COA8: variants seen among roughly 807,000 people sequenced by gnomAD.
COA8 encodes UPF0671 protein C14orf153.
COA8 carries 20 observed loss-of-function variants against 22.0 expected under a neutral mutation model. The observed-to-expected ratio is 0.91, with a 90% confidence interval of 0.64 to 1.32. COA8 has a LOEUF of 1.32. Among genes scored for constraint, COA8 ranks in the 40% most tolerant of loss-of-function variants. COA8 has a pLI of 0.00. For missense variants in COA8, 266 were observed against 230.0 expected (o/e 1.16, Z -1.01); for synonymous variants, 105 against 79.9 (o/e 1.31, Z -1.68).
rs74088043 is a variant in COA8 at position 103,567,717 on chromosome 14, A to T, written c.124-3906A>T. Among the ~76,000 whole-genome samples the T allele has an allele frequency of 8.5e-3, 1,290 of 152,286 alleles. 22 individuals are homozygous for T. The highest frequency in any genetic ancestry group is 0.03 in the African/African-American group (1,247 of 41,548). The stretch of plus-strand genomic sequence containing the variant: ...TCATCTTTAGACAAATTGTCTAATC[A>T]TCTTTAGACAATACTGAGGTGCAGG... On this transcript the variant is annotated intron_variant, in intron 1 of 4. Coordinates refer to ENST00000409074, the MANE Select transcript of COA8 (RefSeq NM_001370595.2).
At position 103,588,026 on chromosome 14, in the gene COA8, G is replaced by A. The variant is rs1189090279; in HGVS notation, c.476+662G>A. ...AGCTGCTCCGGAGGCTCAGTCAGGAGAATCGCTTGAACGTGGAAGGTGGAG... is the reference window on the plus strand; with the variant it reads ...AGCTGCTCCGGAGGCTCAGTCAGGAAAATCGCTTGAACGTGGAAGGTGGAG... On this transcript the variant is annotated intron_variant, in intron 4 of 4. Coordinates refer to ENST00000409074, the MANE Select transcript of COA8 (RefSeq NM_001370595.2). 1.8e-5 allele frequency: 4 copies of A among 224,308 alleles called. No homozygotes were observed. The Admixed American group carries it at 2.0e-4, about 11-fold the overall frequency. The allele number at this position is 224,308 out of a possible 1,614,324, so 13.9% of individuals were successfully genotyped here.
intron 3 of COA8, among the ~76,000 whole-genome samples, chr14:103,583,666 A>G (rs1202652314): frequency 1.3e-5 from 2 of 151,952 alleles, no homozygotes; most frequent in East Asian, 1.9e-4. Context: ...ATTCAGTTCA[A>G]TTCTGACACT....
rs185122472 is a variant in COA8 at position 103,575,175 on chromosome 14, T to A, written c.385+1005T>A. 1.3e-4 allele frequency among the ~76,000 whole-genome samples: 20 copies of A among 152,376 alleles called. No individual in the cohort carries two copies. The East Asian group carries it at 2.3e-3, about 18-fold the overall frequency. On this transcript the variant is annotated intron_variant, in intron 3 of 4. Transcript: ENST00000409074. Reference sequence around the variant, plus strand: ...ACGTGCACGTGTGTACATGTGTGTGTGCTTGTGTGCACACCACATGTGCCG... The same window carrying A: ...ACGTGCACGTGTGTACATGTGTGTGAGCTTGTGTGCACACCACATGTGCCG...
In COA8 at chr14:103,567,483, T is replaced by C. The variant is rs2076144620; in HGVS notation, c.124-4140T>C. On this transcript the variant is annotated intron_variant, in intron 1 of 4. Coordinates refer to ENST00000409074, the MANE Select transcript of COA8 (RefSeq NM_001370595.2). ...ATTGATAATTGAAAACTTTTCCCAA[T>C]ACCCTGCCGTGATGACTTGCAATAT... is the stretch of plus-strand genomic sequence containing the variant. 2.0e-5 allele frequency: 3 copies of C among 151,662 alleles called. No individual in the cohort carries two copies. The South Asian group carries it at 6.3e-4, about 32-fold the overall frequency. 9.4% of individuals were successfully genotyped at this position (151,662 alleles called of 1,614,324 possible).
chr14:103,584,795 C>G (rs957328123), intron 3 of COA8, among the ~76,000 whole-genome samples: 2 of 152,038 alleles, frequency 1.3e-5, no homozygotes, highest in African/African-American at 4.8e-5. Flanking sequence ...ATTGGTTGTT[C>G]GTGTATCTTT....
chr14:103,569,644 G>A (rs1407249212), intron 1 of COA8, among the ~76,000 whole-genome samples: 2 of 152,222 alleles, frequency 1.3e-5, no homozygotes, highest in Non-Finnish European at 2.9e-5. Context: ...CTCGGAGGAG[G>A]GAAGGAGTCG....
At chr14:103,577,710 G>C (rs2142292420) in intron 3 of COA8, among the ~76,000 whole-genome samples, 1 of 150,724 alleles carries the variant, frequency 6.6e-6, no homozygotes, top group South Asian at 2.1e-4. Context: ...AAAACCCTTT[G>C]TCTACAAAAA....
In COA8 at chr14:103,571,909, C is replaced by T. The variant is rs963891067; in HGVS notation, c.321+89C>T. On this transcript the variant is annotated intron_variant, in intron 2 of 4. Coordinates refer to ENST00000409074, the MANE Select transcript of COA8 (RefSeq NM_001370595.2). ...TCGGGATGCCGAGGTGGGCAGATCA[C>T]GAGGTCAGGAGATCGAGACCATCCT... 3.3e-5 allele frequency: 37 copies of T among 1,133,578 alleles called. 1 individual carries two copies. Among genetic ancestry groups the T allele is most frequent in the Non-Finnish European group, 3.8e-5 (30 of 785,416 alleles). The allele number at this position is 1,133,578 out of a possible 1,614,324, so 70.2% of individuals were successfully genotyped here. A position where few individuals can be genotyped will look rare whatever the true frequency, so the allele number is the denominator to read the frequency against.
chr14:103,569,802 T>G (rs1003505189), intron 1 of COA8, among the ~76,000 whole-genome samples: 24 of 152,046 alleles, frequency 1.6e-4, no homozygotes, highest in African/African-American at 5.8e-4. Flanking sequence ...TAATGTATGA[T>G]AAGGAAAAAA....
At chr14:103,567,792 G>A (rs1020844109) in intron 1 of COA8, among the ~76,000 whole-genome samples, 3 of 152,110 alleles carry the variant, frequency 2.0e-5, no homozygotes, top group Admixed American at 2.0e-4. Context: ...GGGCCTTAAA[G>A]ATAATAAAAA....
At chr14:103,564,562 T>C (rs2076120413) in intron 1 of COA8, among the ~76,000 whole-genome samples, 1 of 147,274 alleles carries the variant, frequency 6.8e-6, no homozygotes, top group African/African-American at 2.5e-5. Context: ...TCTATTGTCA[T>C]ATACACTTCT....
intron 4 of COA8, among the ~76,000 whole-genome samples, chr14:103,588,555 C>T (rs903637585): frequency 6.6e-6 from 1 of 151,178 alleles, no homozygotes; most frequent in Admixed American, 6.6e-5. Context: ...TCAAGAATGT[C>T]GACATGGGCC....
At chr14:103,587,852 C>T (rs1370751173) in intron 4 of COA8, 1 of 153,176 alleles carries the variant, frequency 6.5e-6, no homozygotes, top group East Asian at 1.9e-4. Flanking sequence ...AAAAAGATAC[C>T]AATTTTTTTA....
At position 103,571,790 on chromosome 14, in the gene COA8, C is replaced by G. The variant is rs759858602; in HGVS notation, c.291C>G (p.Phe97Leu). 1 of 1,614,052 alleles carries G rather than the reference C, an allele frequency of 6.2e-7. No individual in the cohort carries two copies. Among genetic ancestry groups the G allele is most frequent in the Middle Eastern group, 1.6e-4 (1 of 6,062 alleles). The part of the protein sequence containing the change: ...RQETQEWNQQ[F>L]WANQNLTFSK... ...AAACACAAGAATGGAATCAACAGTT[C>G]TGGGCAAACCAGAATTTGACTTTTA... is the stretch of plus-strand genomic sequence containing the variant. Residue 97 changes from phenylalanine (F) to leucine (L), a missense_variant, in exon 2 of 5, where the codon TTC becomes TTG. Phe to Leu is a conservative substitution (Grantham distance 22, BLOSUM62 0). Coordinates refer to ENST00000409074, the MANE Select transcript of COA8 (RefSeq NM_001370595.2).
chr14:103,580,341 A>G (rs955999738), intron 3 of COA8, among the ~76,000 whole-genome samples: 4 of 150,602 alleles, frequency 2.7e-5, no homozygotes, highest in Admixed American at 1.3e-4. Context: ...TGGAGTATCA[A>G]TCTGTCACCC....
intron 2 of COA8, among the ~76,000 whole-genome samples, chr14:103,572,914 C>G (rs1027625876): frequency 2.6e-5 from 4 of 151,944 alleles, no homozygotes; most frequent in Admixed American, 2.0e-4. Flanking sequence ...TCCCGAGTAG[C>G]TGGGATTACA....
chr14:103,580,813 T>G (rs1178437092), intron 3 of COA8, among the ~76,000 whole-genome samples: 1 of 148,950 alleles, frequency 6.7e-6, no homozygotes, highest in East Asian at 2.0e-4. Context: ...TTTTTTTTTT[T>G]GAGACGGAGT....
rs752511024 is a variant in COA8 at position 103,581,528 on chromosome 14, T to C, written c.386-5746T>C. The C allele has an allele frequency of 5.0e-6, 2 of 398,352 alleles. No homozygotes were observed. Among genetic ancestry groups the C allele is most frequent in the African/African-American group, 2.1e-5 (1 of 48,630 alleles). The allele number at this position is 398,352 out of a possible 1,614,324, so 24.7% of individuals were successfully genotyped here. On this transcript the variant is annotated intron_variant, in intron 3 of 4. Transcript: ENST00000409074. The surrounding 1 kb of genome is among the most constrained non-coding windows in gnomAD (Gnocchi z 4.1). ...AGAACAGCATGCAGTTCAAAACTTA[T>C]GACTTGTTCATTTCTGGAATTTTCC...
intron 1 of COA8, among the ~76,000 whole-genome samples, chr14:103,566,726 C>A (rs749671324): frequency 6.6e-6 from 1 of 152,172 alleles, no homozygotes; most frequent in African/African-American, 2.4e-5. Context: ...CAGGGGCAGG[C>A]AGGTTGATGC....
Sources: gnomAD v4.1 joint callset for allele counts (sites outside exome capture counted in the v4.1 genomes callset) on GRCh38, gnomAD v4.1.1 for gene constraint, Gnocchi (gnomAD v3.1) non-coding constraint, MANE v1.5 for transcripts, NCBI Gene and HGNC (gene_info 2026-07-23, HGNC 2026-07-21) for gene names.